The following UBAP2L variants were observed in gnomAD, a reference collection of about 807,000 sequenced individuals.
The protein encoded by UBAP2L is ubiquitin associated protein 2 like.
UBAP2L carries 12 observed loss-of-function variants against 130.6 expected under a neutral mutation model. That is an observed-to-expected ratio of 0.09 (90% CI 0.06 to 0.15). UBAP2L has a LOEUF of 0.15. Ranked by LOEUF, UBAP2L falls within the 10% of genes least tolerant of loss-of-function variation. The probability of loss-of-function intolerance (pLI) is 1.00; values close to 1 mark genes in which losing one functional copy is unlikely to be tolerated. For missense variants in UBAP2L, 965 were observed against 1,332.5 expected (o/e 0.72, Z 4.29); for synonymous variants, 503 against 524.7 (o/e 0.96, Z 0.57).
rs539357159 is a variant in UBAP2L, at chr1:154,250,619, C to T, written c.1214-422C>T. Among the ~76,000 whole-genome samples, 6 of 152,114 alleles carry T rather than the reference C, an allele frequency of 3.9e-5. No individual in the cohort carries two copies. In the East Asian group the frequency reaches 5.8e-4, roughly 15 times the overall value. On this transcript the variant is annotated intron_variant, in intron 12 of 26. Transcript: ENST00000428931. ...CTGTAATCCTAGCACTTCGAGAAGC[C>T]GAGGCGGACGGATCACTTGAGGTCA...
Position 154,257,331 on chromosome 1 carries a change from T to A in UBAP2L, c.2354-15T>A. The A allele has an allele frequency of 6.2e-7, 1 of 1,614,174 alleles. No individual in the cohort carries two copies. The highest frequency in any genetic ancestry group is 8.5e-7 in the Non-Finnish European group (1 of 1,180,026). On this transcript the variant is annotated splice_polypyrimidine_tract_variant and intron_variant, in intron 19 of 26. Coordinates refer to ENST00000428931, the MANE Select transcript of UBAP2L (RefSeq NM_014847.4). ...GTAATTGTGTGATGGGATAAAAATGTAATTTCTCTTTTAGGAAAAGCTCCT... is the reference window on the plus strand; with the variant it reads ...GTAATTGTGTGATGGGATAAAAATGAAATTTCTCTTTTAGGAAAAGCTCCT...
chr1:154,237,235 GT>G (rs1671980066), intron 8 of UBAP2L, 99 bp downstream of exon 8: 14 of 1,133,768 alleles, frequency 1.2e-5, no homozygotes, highest in Non-Finnish European at 1.8e-5. Flanking sequence ...ATAGTGTTTG[GT>G]TATGGAGATA....
chr1:154,271,036 A>AG, downstream of UBAP2L: 1 of 1,296,326 alleles, frequency 7.7e-7, no homozygotes, highest in Non-Finnish European at 1.1e-6. Flanking sequence ...CTTGTCCTTG[A>AG]GGGGATTTCC....
rs7525244 is a variant in UBAP2L, at chr1:154,270,769, T to G, written c.*474T>G. 11 of 959,426 alleles carry G rather than the reference T, an allele frequency of 1.1e-5. No homozygotes were observed. The South Asian group carries it at 1.2e-4, about 10-fold the overall frequency. 59.4% of individuals were successfully genotyped at this position (959,426 alleles called of 1,614,324 possible). A position where few individuals can be genotyped will look rare whatever the true frequency, so the allele number is the denominator to read the frequency against. On this transcript the variant is annotated 3_prime_UTR_variant, in exon 27 of 27. Transcript: ENST00000428931. ...GAATTAGTTGAAGTGGTTTTTTTTTTGTTTTTTTTTTTTTTTTGTACTGTG... is the reference window on the plus strand; with the variant it reads ...GAATTAGTTGAAGTGGTTTTTTTTTGGTTTTTTTTTTTTTTTTGTACTGTG...
At chr1:154,225,050 C>A in intron 1 of UBAP2L, 34 bp from the exon 2 acceptor site, 1 of 1,516,016 alleles carries the variant, frequency 6.6e-7, no homozygotes, top group Non-Finnish European at 9.1e-7. Context: ...ATTTTGCCCA[C>A]ATTTAATACC....
downstream of UBAP2L, chr1:154,271,282 AAAG>A (rs1317534073): frequency 9.0e-6 from 2 of 222,300 alleles, no homozygotes; most frequent in African/African-American, 4.6e-5. Flanking sequence ...AATAAACTAA[AAAG>A]AAGTGAAGGC....
intron 6 of UBAP2L, 51 bp from the exon 7 acceptor site, chr1:154,236,515 T>C (rs747760550): frequency 1.1e-5 from 17 of 1,600,884 alleles, no homozygotes; most frequent in Non-Finnish European, 1.5e-5. Context: ...GGAAGTTTTA[T>C]ATCAACTTCT....
intron 4 of UBAP2L, among the ~76,000 whole-genome samples, chr1:154,233,736 C>T (rs10797061): frequency 0.63 from 95,182 of 150,782 alleles, 31,239 homozygotes; most frequent in East Asian, 0.96. Flanking sequence ...GATTAGAGAA[C>T]GTGCCCAAGA....
upstream of UBAP2L, chr1:154,220,493 G>A: frequency 6.7e-7 from 1 of 1,499,578 alleles, no homozygotes; most frequent in Non-Finnish European, 9.3e-7. Flanking sequence ...GACGGCGCCT[G>A]GGTCCCCTGG....
At chr1:154,269,113 A>G (rs1684163575) in intron 26 of UBAP2L, 159 bp downstream of exon 26, 4 of 995,084 alleles carry the variant, frequency 4.0e-6, no homozygotes, top group Non-Finnish European at 4.4e-6. Flanking sequence ...ACAAGCGCAC[A>G]TAACACGAGC....
intron 1 of UBAP2L, 148 bp downstream of exon 1, chr1:154,221,123 T>G (rs1571519607): frequency 8.2e-6 from 1 of 122,428 alleles, no homozygotes; most frequent in Non-Finnish European, 1.8e-5. Context: ...ATCCCCTCCC[T>G]CGGTAGGCCC....
At chr1:154,225,585 T>C (rs529625979) in intron 2 of UBAP2L, among the ~76,000 whole-genome samples, 1 of 152,246 alleles carries the variant, frequency 6.6e-6, no homozygotes, top group Non-Finnish European at 1.5e-5. Context: ...TCCTCCCGCC[T>C]CAGCCTCCTG....
chr1:154,249,094 C>G (rs570427987), intron 11 of UBAP2L, 145 bp from the exon 12 acceptor site: 4 of 741,820 alleles, frequency 5.4e-6, no homozygotes, highest in Non-Finnish European at 9.1e-6. Flanking sequence ...GTCCTATACT[C>G]TAGTGGACTA....
At chr1:154,270,944 C>T, downstream of UBAP2L, 1 of 1,549,974 alleles carries the variant, frequency 6.5e-7, no homozygotes. Context: ...ACTGGGCCTC[C>T]TCTAGCAGGC....
At chr1:154,225,060 C>T (rs1266423237) in intron 1 of UBAP2L, 24 bp from the exon 2 acceptor site, 2 of 1,563,006 alleles carry the variant, frequency 1.3e-6, no homozygotes, top group East Asian at 4.6e-5. Context: ...CATTTAATAC[C>T]TAATTTTCTT....
chr1:154,246,482 CTT>C, intron 11 of UBAP2L, 107 bp downstream of exon 11: 1 of 1,288,896 alleles, frequency 7.8e-7, no homozygotes. Context: ...GAAGCATCCT[CTT>C]TGTCTTCTTA....
chr1:154,247,120 A>G lies in UBAP2L; in HGVS notation c.1014+745A>G, dbSNP rs189014033. Among the ~76,000 whole-genome samples the G allele has an allele frequency of 4.5e-4, 69 of 152,084 alleles. No individual in the cohort carries two copies. In the East Asian group the frequency reaches 0.01, roughly 22 times the overall value. ...TTCTTTTTTTCTCTTTTTCTCTCCTATTTTTTGATGGAGGGATACTAAAGT... is the reference window on the plus strand; with the variant it reads ...TTCTTTTTTTCTCTTTTTCTCTCCTGTTTTTTGATGGAGGGATACTAAAGT... On this transcript the variant is annotated intron_variant, in intron 11 of 26. Transcript: ENST00000428931.
In UBAP2L at chr1:154,266,096, C is replaced by T. The variant is rs533521508; in HGVS notation, c.2903-405C>T. On this transcript the variant is annotated intron_variant, in intron 24 of 26. Transcript: ENST00000428931. ...CACTTCAGGAAGAGAGAGGGCCAGACTGCCCCAGTCTCCAGGAATAAAACT... is the reference window on the plus strand; with the variant it reads ...CACTTCAGGAAGAGAGAGGGCCAGATTGCCCCAGTCTCCAGGAATAAAACT... 2.2e-3 allele frequency among the ~76,000 whole-genome samples: 342 copies of T among 152,296 alleles called. 1 individual carries two copies. Among genetic ancestry groups the T allele is most frequent in the Non-Finnish European group, 3.3e-3 (224 of 68,018 alleles).
chr1:154,221,101 TG>T (rs1180499715), intron 1 of UBAP2L, 126 bp downstream of exon 1: 1 of 155,882 alleles, frequency 6.4e-6, no homozygotes, highest in African/African-American at 2.5e-5. Flanking sequence ...TTTTCTCCCC[TG>T]CCCCCGCCGT....
Sources: allele counts gnomAD v4.1 joint callset (sites outside exome capture counted in the v4.1 genomes callset), GRCh38; gene constraint gnomAD v4.1.1; transcripts MANE v1.5; gene names NCBI Gene and HGNC (gene_info 2026-07-23, HGNC 2026-07-21).